WDR7: variants seen among roughly 807,000 people sequenced by gnomAD.
WDR7 encodes the protein WD repeat domain 7, also known as WD repeat-containing protein 7.
In WDR7, 46 loss-of-function variants were observed where a neutral mutation model predicts 169.4. That is an observed-to-expected ratio of 0.27 (90% CI 0.21 to 0.35). WDR7 has a LOEUF of 0.35. Among genes scored for constraint, WDR7 ranks in the 10% least tolerant of loss-of-function variants. The pLI, the probability that WDR7 is intolerant of heterozygous loss-of-function variation, is 1.00. For synonymous variants in WDR7, 612 were observed against 666.8 expected, an observed-to-expected ratio of 0.92 and a Z score of 1.27; for missense variants, 1,534 against 1,859.3, an observed-to-expected ratio of 0.83 and a Z score of 3.22.
At chr18:56,749,250 A>C (rs543092946) in intron 14 of WDR7, among the ~76,000 whole-genome samples, 50 of 152,234 alleles carry the variant, frequency 3.3e-4, no homozygotes, top group African/African-American at 1.2e-3. Context: ...ACATTTAGGA[A>C]ATTTAAAATT....
chr18:56,827,075 G>C (rs770679968), intron 20 of WDR7, among the ~76,000 whole-genome samples: 1 of 152,166 alleles, frequency 6.6e-6, no homozygotes, highest in Non-Finnish European at 1.5e-5. Context: ...CGCTTATTGC[G>C]GAGGTGGAGA....
intron 12 of WDR7, among the ~76,000 whole-genome samples, chr18:56,700,709 A>G (rs891740626): frequency 6.7e-6 from 1 of 149,096 alleles, no homozygotes; most frequent in Admixed American, 6.7e-5. Flanking sequence ...AGCTGGGACT[A>G]CAGGCGCCCG....
In WDR7 at chr18:56,702,952, C is replaced by T. The variant is rs1397331411; in HGVS notation, c.1578+6490C>T. 3.3e-5 allele frequency among the ~76,000 whole-genome samples: 5 copies of T among 151,990 alleles called. No homozygotes were observed. The East Asian group carries it at 7.7e-4, about 23-fold the overall frequency. On this transcript the variant is annotated intron_variant, in intron 12 of 27. Transcript: ENST00000254442. ...TCAGAACAGAAGTTTTCGAAAATGC[C>T]GAAAAATAAACTGTTTAGTACCAGT... is the stretch of plus-strand genomic sequence containing the variant.
chr18:56,721,534 A>G (rs2026320742), intron 13 of WDR7: 4 of 152,238 alleles, frequency 2.6e-5, no homozygotes, highest in Admixed American at 6.5e-5. Flanking sequence ...CACTAGCAAC[A>G]AGATTTAGCC....
chr18:56,820,983 G>A (rs571269388), intron 20 of WDR7, among the ~76,000 whole-genome samples: 33 of 152,286 alleles, frequency 2.2e-4, no homozygotes, highest in South Asian at 2.1e-3. Context: ...ATGTAGTAAT[G>A]ATGAAAAGTA....
At chr18:56,662,941 C>G (rs544459312) in intron 1 of WDR7, among the ~76,000 whole-genome samples, 1 of 152,314 alleles carries the variant, frequency 6.6e-6, no homozygotes, top group Admixed American at 6.5e-5. Flanking sequence ...ATACTACAAA[C>G]TGAGTGGCTT....
At chr18:56,817,599 T>C (rs763295968) in intron 20 of WDR7, among the ~76,000 whole-genome samples, 1 of 152,162 alleles carries the variant, frequency 6.6e-6, no homozygotes, top group African/African-American at 2.4e-5. Flanking sequence ...TTAAATTCTT[T>C]TTAGTGTGTA....
chr18:56,723,906 T>G (rs924534297), intron 13 of WDR7, among the ~76,000 whole-genome samples: 2 of 152,034 alleles, frequency 1.3e-5, no homozygotes, highest in Non-Finnish European at 2.9e-5. Context: ...TTTTATATAA[T>G]TTCTATTGCT....
intron 26 of WDR7, among the ~76,000 whole-genome samples, chr18:56,972,439 A>G (rs2047502005): frequency 6.6e-6 from 1 of 152,188 alleles, no homozygotes; most frequent in Non-Finnish European, 1.5e-5. Flanking sequence ...GGTGATTGCA[A>G]AAATTGCAGT....
At chr18:56,878,356 C>T (rs1215846416) in intron 20 of WDR7, among the ~76,000 whole-genome samples, 1 of 152,122 alleles carries the variant, frequency 6.6e-6, no homozygotes, top group African/African-American at 2.4e-5. Context: ...TGGCCCATCC[C>T]TCTTATTGCC....
At chr18:56,940,218 A>G (rs932335014) in intron 25 of WDR7, among the ~76,000 whole-genome samples, 8 of 152,164 alleles carry the variant, frequency 5.3e-5, no homozygotes, top group South Asian at 2.1e-4. Context: ...GTTCAATGAT[A>G]TTCTATTTTT....
intron 22 of WDR7, among the ~76,000 whole-genome samples, chr18:56,931,349 A>G (rs2046881927): frequency 6.6e-6 from 1 of 152,202 alleles, no homozygotes; most frequent in African/African-American, 2.4e-5. Flanking sequence ...CACACAGACA[A>G]TGCACTCTTG....
At chr18:56,927,249 A>T (rs1047648217) in intron 22 of WDR7, among the ~76,000 whole-genome samples, 1 of 152,060 alleles carries the variant, frequency 6.6e-6, no homozygotes, top group African/African-American at 2.4e-5. Flanking sequence ...CCATGTCCCG[A>T]CATCTCCTGC....
intron 14 of WDR7, among the ~76,000 whole-genome samples, chr18:56,743,526 CAGT>C (rs1214327475): frequency 2.0e-5 from 3 of 152,004 alleles, no homozygotes; most frequent in African/African-American, 7.3e-5. Flanking sequence ...GTGTCAAATG[CAGT>C]AGATGTTGGG....
chr18:56,862,749 T>C (rs2045826174), intron 20 of WDR7, among the ~76,000 whole-genome samples: 1 of 151,868 alleles, frequency 6.6e-6, no homozygotes, highest in African/African-American at 2.4e-5. Context: ...TTTAGTATCT[T>C]TTACTTTTTA....
chr18:56,958,586 A>G (rs1465391224), intron 25 of WDR7, among the ~76,000 whole-genome samples: 1 of 152,102 alleles, frequency 6.6e-6, no homozygotes, highest in African/African-American at 2.4e-5. Context: ...CCTAATATAT[A>G]ACTACATATT....
chr18:56,659,417 A>G (rs2024856999), intron 1 of WDR7, among the ~76,000 whole-genome samples: 1 of 152,176 alleles, frequency 6.6e-6, no homozygotes. Flanking sequence ...TGTGGAAGGA[A>G]TTTTAGGCAC....
intron 20 of WDR7, among the ~76,000 whole-genome samples, chr18:56,849,602 A>C (rs1391539160): frequency 1.3e-5 from 2 of 152,148 alleles, no homozygotes; most frequent in Non-Finnish European, 2.9e-5. Context: ...ATCCTAGTTG[A>C]CATCACTTTG....
At chr18:56,863,783 C>G (rs2045843040) in intron 20 of WDR7, among the ~76,000 whole-genome samples, 2 of 151,618 alleles carry the variant, frequency 1.3e-5, no homozygotes, top group Admixed American at 1.3e-4. Flanking sequence ...GAAGTTTGTC[C>G]TTTTCACAAT....
Sources: gnomAD v4.1 joint callset for allele counts (sites outside exome capture counted in the v4.1 genomes callset) on GRCh38, gnomAD v4.1.1 for gene constraint, MANE v1.5 for transcripts, NCBI Gene and HGNC (gene_info 2026-07-23, HGNC 2026-07-21) for gene names.